Variants in TTC7A observed in about 807,000 individuals in gnomAD.
The protein encoded by TTC7A is tetratricopeptide repeat domain 7A.
TTC7A carries 110 observed loss-of-function variants against 103.7 expected under a neutral mutation model. That is an observed-to-expected ratio of 1.06 (90% CI 0.91 to 1.24). The LOEUF is 1.24. TTC7A is among the 50% of genes most tolerant of loss of function. TTC7A has a pLI of 0.00. For synonymous variants in TTC7A, 521 were observed against 467.9 expected (o/e 1.11, Z -1.47); for missense variants, 1,340 against 1,116.3 (o/e 1.20, Z -2.86).
At chr2:46,939,547 C>G (rs536655073), upstream of TTC7A, among the ~76,000 whole-genome samples, 1 of 152,344 alleles carries the variant, frequency 6.6e-6, no homozygotes, top group East Asian at 1.9e-4. Context: ...GTGATTCCCT[C>G]TACAGTTAGT....
Position 46,922,906 on chromosome 2 carries a change from G to A in TTC7A, c.82+5629G>A, listed in dbSNP as rs1049337173. 7.2e-5 allele frequency among the ~76,000 whole-genome samples: 11 copies of A among 152,258 alleles called. No homozygotes were observed. In the South Asian group the frequency reaches 2.1e-3, roughly 29 times the overall value. On this transcript the variant is annotated intron_variant, in intron 2 of 20. Coordinates refer to the TTC7A transcript ENST00000409245. ...AACAGCCCTCTCTTTCCCACCAGTC[G>A]CAAGTCCAAGGCCCCTAAAACATCT...
intron 15 of TTC7A, among the ~76,000 whole-genome samples, chr2:47,029,867 G>C (rs1483300587): frequency 2.0e-5 from 3 of 152,184 alleles, no homozygotes; most frequent in Non-Finnish European, 4.4e-5. Flanking sequence ...CTCATTTACT[G>C]CATCAGCCAG....
intron 2 of TTC7A, among the ~76,000 whole-genome samples, chr2:46,922,687 T>C (rs970047434): frequency 1.3e-5 from 2 of 151,940 alleles, no homozygotes; most frequent in Non-Finnish European, 2.9e-5. Flanking sequence ...TCCCATTCTC[T>C]CACTCAACAA....
chr2:47,008,368 C>G (rs922230787), intron 10 of TTC7A, among the ~76,000 whole-genome samples: 10 of 152,212 alleles, frequency 6.6e-5, no homozygotes, highest in African/African-American at 2.4e-4. Flanking sequence ...CAGGCTCAGT[C>G]AAAGGTGTCG....
At chr2:46,972,148 G>C (rs1028412773) in intron 3 of TTC7A, among the ~76,000 whole-genome samples, 2 of 151,536 alleles carry the variant, frequency 1.3e-5, no homozygotes, top group African/African-American at 4.9e-5. Context: ...TCTCTGCATG[G>C]ATTTCATTTT....
At chr2:46,994,839 C>T (rs1258877695) in intron 7 of TTC7A, among the ~76,000 whole-genome samples, 15 of 152,198 alleles carry the variant, frequency 9.9e-5, no homozygotes, top group Non-Finnish European at 1.8e-4. Flanking sequence ...ACCAGCAGAG[C>T]GTAGTTCTGG....
intron 13 of TTC7A, among the ~76,000 whole-genome samples, chr2:47,023,783 A>G (rs966105391): frequency 6.6e-6 from 1 of 152,134 alleles, no homozygotes; most frequent in African/African-American, 2.4e-5. Context: ...AGCACCTTGC[A>G]CAGTATCCTA....
chr2:46,974,758 T>C (rs1673690190), intron 3 of TTC7A: 1 of 644,518 alleles, frequency 1.6e-6, no homozygotes, highest in African/African-American at 1.8e-5. Flanking sequence ...GGTGATGCAC[T>C]GTGATTCCCC....
intron 19 of TTC7A, among the ~76,000 whole-genome samples, chr2:47,072,157 A>G (rs762672200): frequency 6.6e-6 from 1 of 151,836 alleles, no homozygotes; most frequent in Non-Finnish European, 1.5e-5. Flanking sequence ...CCTGGCCACT[A>G]CCCTTGGTCC....
At chr2:46,983,330 G>A (rs1215741659) in intron 5 of TTC7A, among the ~76,000 whole-genome samples, 1 of 152,226 alleles carries the variant, frequency 6.6e-6, no homozygotes, top group Non-Finnish European at 1.5e-5. Flanking sequence ...TCCACCATCT[G>A]CTTTTTTGAT....
chr2:47,046,444 C>T lies in TTC7A; in HGVS notation c.1919+13C>T, dbSNP rs747637921. The T allele has an allele frequency of 8.1e-6, 13 of 1,608,504 alleles. No individual in the cohort carries two copies. Among genetic ancestry groups the T allele is most frequent in the Admixed American group, 3.3e-5 (2 of 59,980 alleles). On this transcript the variant is annotated intron_variant, in intron 16 of 19. Coordinates refer to ENST00000319190, the MANE Select transcript of TTC7A (RefSeq NM_020458.4). ...TCTCCCAGCTGGGGTGAGTGGCCGTCATTGTCTCTTGGGTTGCCAGAGGGT... is the reference window on the plus strand; with the variant it reads ...TCTCCCAGCTGGGGTGAGTGGCCGTTATTGTCTCTTGGGTTGCCAGAGGGT...
intron 2 of TTC7A, among the ~76,000 whole-genome samples, chr2:46,926,864 G>A (rs1456354788): frequency 6.6e-6 from 1 of 151,966 alleles, no homozygotes; most frequent in Non-Finnish European, 1.5e-5. Flanking sequence ...TATCTTCAAA[G>A]AAATAAAAGC....
intron 16 of TTC7A, among the ~76,000 whole-genome samples, chr2:47,047,672 G>C (rs1184732207): frequency 6.6e-6 from 1 of 152,226 alleles, no homozygotes. Flanking sequence ...ATGGCTGCTT[G>C]TCTCTTCCTC....
At chr2:47,056,755 G>T (rs542035198) in intron 18 of TTC7A, among the ~76,000 whole-genome samples, 29 of 152,276 alleles carry the variant, frequency 1.9e-4, no homozygotes, top group Admixed American at 4.6e-4. Context: ...GAGGAAAACC[G>T]GAGACAGACA....
In TTC7A at chr2:47,055,684, C is replaced by A. The variant is rs186900936; in HGVS notation, c.2152+3804C>A. Among the ~76,000 whole-genome samples the A allele has an allele frequency of 2.8e-3, 429 of 152,278 alleles. 2 individuals carry two copies. Among genetic ancestry groups the A allele is most frequent in the African/African-American group, 9.6e-3 (397 of 41,568 alleles). On this transcript the variant is annotated intron_variant, in intron 18 of 19. Transcript: ENST00000319190. ...TGGAGGTCCAAGGGCTCATGGGTAGCTCTGGGCTTTCTCCAGGTTTAGGGG... is the reference window on the plus strand; with the variant it reads ...TGGAGGTCCAAGGGCTCATGGGTAGATCTGGGCTTTCTCCAGGTTTAGGGG...
At chr2:47,001,808 G>C (rs1572870029) in intron 8 of TTC7A, among the ~76,000 whole-genome samples, 1 of 147,596 alleles carries the variant, frequency 6.8e-6, no homozygotes, top group Non-Finnish European at 1.5e-5. Context: ...GCAGTGAGCC[G>C]AGACCACACC....
chr2:47,055,972 C>A (rs1198993366), intron 18 of TTC7A, among the ~76,000 whole-genome samples: 2 of 152,208 alleles, frequency 1.3e-5, no homozygotes, highest in African/African-American at 4.8e-5. Context: ...GTGCCTTCTT[C>A]CCACGTCCTC....
chr2:46,996,969 GTTGTTGTTGTTGTT>G (rs1676265691), intron 8 of TTC7A, among the ~76,000 whole-genome samples: 1 of 151,580 alleles, frequency 6.6e-6, no homozygotes, highest in Non-Finnish European at 1.5e-5. Context: ...TGTGGTGGTT[GTTGTTGTTGTTGTT>G]GTTGTTGTTT....
intron 10 of TTC7A, among the ~76,000 whole-genome samples, chr2:47,010,765 T>C (rs1046996972): frequency 6.6e-6 from 1 of 152,206 alleles, no homozygotes; most frequent in African/African-American, 2.4e-5. Context: ...GGTGGCACAA[T>C]CTCGGCTCAC....
Sources: allele counts gnomAD v4.1 joint callset (sites outside exome capture counted in the v4.1 genomes callset), GRCh38; gene constraint gnomAD v4.1.1; transcripts MANE v1.5; gene names NCBI Gene and HGNC (gene_info 2026-07-23, HGNC 2026-07-21).